The following AGBL3 variants were observed in gnomAD, a reference collection of about 807,000 sequenced individuals.
AGBL3 encodes the protein AGBL carboxypeptidase 3.
AGBL3 carries 68 observed loss-of-function variants against 94.5 expected under a neutral mutation model. The ratio of observed to expected loss-of-function variants is 0.72; its 90% CI spans 0.59 to 0.88. AGBL3 has a LOEUF of 0.88. AGBL3 is among the 40% of genes least tolerant of loss of function. The pLI is 0.00. For synonymous variants in AGBL3, 354 were observed against 370.7 expected, an observed-to-expected ratio of 0.95 and a Z score of 0.52; for missense variants, 934 against 1,103.8, an observed-to-expected ratio of 0.85 and a Z score of 2.18.
chr7:135,097,830 T>C (rs1823142318), intron 15 of AGBL3, among the ~76,000 whole-genome samples: 2 of 152,050 alleles, frequency 1.3e-5, no homozygotes, highest in Admixed American at 1.3e-4. Flanking sequence ...TGGGAAGAAA[T>C]AAGACTGACT....
intron 15 of AGBL3, among the ~76,000 whole-genome samples, chr7:135,102,658 G>A (rs780635339): frequency 9.3e-4 from 138 of 149,130 alleles, no homozygotes; most frequent in Non-Finnish European, 1.8e-3. Flanking sequence ...ATGCTTGGAA[G>A]GTTTTACCCC....
At chr7:134,993,426 A>G in intron 3 of AGBL3, 67 bp from the exon 4 acceptor site, 1 of 1,328,658 alleles carries the variant, frequency 7.5e-7, no homozygotes, top group Non-Finnish European at 1.0e-6. Context: ...AAGGAACTAT[A>G]TAAAAATTAC....
In AGBL3 at chr7:135,008,409, C is replaced by T. The variant is rs76587068; in HGVS notation, c.311-8643C>T. On this transcript the variant is annotated intron_variant, in intron 4 of 16. Transcript: ENST00000436302. ...AGCATTGTCTTTTCAACAAATGGCA[C>T]CCAGACAACTGGATAGATAACCACA... Among the ~76,000 whole-genome samples the T allele has an allele frequency of 3.2e-3, 487 of 152,098 alleles. 2 individuals carry two copies. Among genetic ancestry groups the T allele is most frequent in the Non-Finnish European group, 5.5e-3 (375 of 67,920 alleles).
intron 4 of AGBL3, chr7:135,012,192 T>C (rs1813246652): frequency 6.6e-6 from 1 of 152,152 alleles, no homozygotes; most frequent in Non-Finnish European, 1.5e-5. Context: ...AGTTCAAATA[T>C]AGGCAAAGCA....
chr7:135,076,566 C>A, intron 13 of AGBL3, 98 bp downstream of exon 13: 2 of 932,714 alleles, frequency 2.1e-6, no homozygotes, highest in Non-Finnish European at 3.2e-6. Flanking sequence ...GAATTTTCCC[C>A]CAGGAGAAGT....
intron 13 of AGBL3, among the ~76,000 whole-genome samples, chr7:135,079,925 T>C (rs1004855540): frequency 3.3e-5 from 5 of 152,206 alleles, no homozygotes; most frequent in East Asian, 1.9e-4. Context: ...TTTCTCATTA[T>C]AAATACATTC....
chr7:135,122,116 C>G (rs1336263342), intron 16 of AGBL3, among the ~76,000 whole-genome samples: 1 of 152,196 alleles, frequency 6.6e-6, no homozygotes, highest in Non-Finnish European at 1.5e-5. Context: ...CTGGGACTCA[C>G]AACTGCCTAA....
At chr7:135,000,866 C>T (rs1811630199) in intron 4 of AGBL3, among the ~76,000 whole-genome samples, 2 of 152,186 alleles carry the variant, frequency 1.3e-5, no homozygotes, top group South Asian at 4.1e-4. Flanking sequence ...TACAGGGCTA[C>T]TGTAGAGAAA....
chr7:135,051,042 G>A, intron 11 of AGBL3: 1 of 444,862 alleles, frequency 2.2e-6, no homozygotes, highest in East Asian at 7.3e-5. Context: ...TTTTTATTGA[G>A]ATGACACAAA....
chr7:135,015,107 ACAAGT>A (rs1813612290), intron 4 of AGBL3, among the ~76,000 whole-genome samples: 1 of 152,176 alleles, frequency 6.6e-6, no homozygotes, highest in South Asian at 2.1e-4. Flanking sequence ...TCACTGAATA[ACAAGT>A]CAAGAAGAAG....
intron 16 of AGBL3, chr7:135,129,198 C>CA (rs1399494194): frequency 7.0e-7 from 1 of 1,427,264 alleles, no homozygotes; most frequent in East Asian, 2.3e-5. Context: ...GTACTGCCCC[C>CA]ACGCATGCTG....
chr7:135,028,204 G>A (rs907097098), intron 5 of AGBL3, among the ~76,000 whole-genome samples: 2 of 151,490 alleles, frequency 1.3e-5, no homozygotes. Context: ...GGGTGGCTCT[G>A]ACAATTTCTT....
Position 135,034,903 on chromosome 7 carries a change from T to C in AGBL3, c.1312T>C (p.Trp438Arg), listed in dbSNP as rs776404644. Residue 438 changes from tryptophan to arginine, a missense_variant, in exon 7 of 17, where the codon TGG (tryptophan) becomes CGG (arginine). Trp to Arg is a moderately radical substitution (Grantham distance 101). Coordinates refer to ENST00000436302, the MANE Select transcript of AGBL3 (RefSeq NM_178563.4). ...SLLKESFPSVWYTRNMVHRLM... is the reference protein window; with the variant it reads ...SLLKESFPSVRYTRNMVHRLM... ...CCTGAAGGAATCTTTTCCTTCTGTA[T>C]GGTATACCCGGAACATGGTTCATAG... 2 of 1,536,482 alleles carry C rather than the reference T, an allele frequency of 1.3e-6. No homozygotes were observed. Among genetic ancestry groups the C allele is most frequent in the African/African-American group, 2.8e-5 (2 of 72,630 alleles).
chr7:134,987,854 G>A (rs1809669699), intron 1 of AGBL3, 21 bp from the exon 2 acceptor site: 4 of 1,015,412 alleles, frequency 3.9e-6, no homozygotes, highest in Non-Finnish European at 5.9e-6. Flanking sequence ...GAAAAGAAAA[G>A]CTGTCATATA....
chr7:135,040,728 C>T lies in AGBL3; in HGVS notation c.1500+3148C>T, dbSNP rs1193975096. Among the ~76,000 whole-genome samples, 3 of 152,142 alleles carry T rather than the reference C, an allele frequency of 2.0e-5. 1 individual carries two copies. Among genetic ancestry groups the T allele is most frequent in the Non-Finnish European group, 2.9e-5 (2 of 68,022 alleles). On this transcript the variant is annotated intron_variant, in intron 8 of 16. Coordinates refer to ENST00000436302, the MANE Select transcript of AGBL3 (RefSeq NM_178563.4). ...AGGTCAGGAAGAAGACAAGAATGTCCACTCTTCCCCACTTCATGCAGCCTT... is the reference window on the plus strand; with the variant it reads ...AGGTCAGGAAGAAGACAAGAATGTCTACTCTTCCCCACTTCATGCAGCCTT...
intron 11 of AGBL3, among the ~76,000 whole-genome samples, chr7:135,057,618 G>A (rs1818454527): frequency 6.6e-6 from 1 of 152,136 alleles, no homozygotes; most frequent in Admixed American, 6.6e-5. Flanking sequence ...TATTTTGGAA[G>A]CCAGTTTGGC....
intron 15 of AGBL3, among the ~76,000 whole-genome samples, chr7:135,096,779 G>T (rs200872125): frequency 6.7e-6 from 1 of 149,376 alleles, no homozygotes; most frequent in East Asian, 2.0e-4. Flanking sequence ...AAGAAAGAAA[G>T]AAAGAAAGAA....
intron 15 of AGBL3, among the ~76,000 whole-genome samples, chr7:135,099,034 GT>G (rs752314480): frequency 6.6e-6 from 1 of 152,068 alleles, no homozygotes; most frequent in Non-Finnish European, 1.5e-5. Flanking sequence ...TCCTGTTGTT[GT>G]TTTGCCTAAT....
intron 11 of AGBL3, among the ~76,000 whole-genome samples, chr7:135,057,445 T>C (rs1410550347): frequency 6.6e-6 from 1 of 152,148 alleles, no homozygotes; most frequent in African/African-American, 2.4e-5. Flanking sequence ...ATGCTTGCCA[T>C]CATTTTCATT....
Sources: gnomAD v4.1 joint callset for allele counts (sites outside exome capture counted in the v4.1 genomes callset) on GRCh38, gnomAD v4.1.1 for gene constraint, MANE v1.5 for transcripts, NCBI Gene and HGNC (gene_info 2026-07-23, HGNC 2026-07-21) for gene names.